Variants in NDUFA5 observed in about 807,000 individuals in gnomAD.
NDUFA5 encodes NADH:ubiquinone oxidoreductase subunit A5, also known as NADH dehydrogenase [ubiquinone] 1 alpha subcomplex subunit 5.
NDUFA5 carries 11 observed loss-of-function variants against 19.8 expected under a neutral mutation model. The observed-to-expected ratio is 0.56, with a 90% confidence interval of 0.35 to 0.92. NDUFA5 has a LOEUF of 0.92. NDUFA5 is among the 40% of genes least tolerant of loss of function. The probability of loss-of-function intolerance (pLI) is 0.01; values close to 1 mark genes in which losing one functional copy is unlikely to be tolerated. For missense variants in NDUFA5, 109 were observed against 134.2 expected (o/e 0.81, Z 0.93); for synonymous variants, 47 against 46.8 (o/e 1.00, Z -0.01).
chr7:123,592,573 G>A, the NDUFA5 span, among the ~76,000 whole-genome samples: 5 of 152,174 alleles, frequency 3.3e-5, no homozygotes, highest in Admixed American at 3.3e-4. Context: ...AGGTTGTTCA[G>A]TTTCCATGCA....
chr7:123,545,891 T>C (rs1798115364), intron 3 of NDUFA5: 1 of 430,966 alleles, frequency 2.3e-6, no homozygotes, highest in Non-Finnish European at 4.1e-6. Context: ...TTTATTGACA[T>C]GCTGATCAAG....
the NDUFA5 span, among the ~76,000 whole-genome samples, chr7:123,579,126 T>C: frequency 6.6e-6 from 1 of 152,042 alleles, no homozygotes; most frequent in African/African-American, 2.4e-5. Context: ...CGTATATCAT[T>C]GTTTAACTCC....
At chr7:123,591,428 C>T in the NDUFA5 span, among the ~76,000 whole-genome samples, 4 of 152,134 alleles carry the variant, frequency 2.6e-5, no homozygotes, top group African/African-American at 9.7e-5. Context: ...AACATATTGG[C>T]TGTGGGTTTG....
the NDUFA5 span, among the ~76,000 whole-genome samples, chr7:123,592,304 T>C: frequency 6.6e-5 from 10 of 152,218 alleles, no homozygotes; most frequent in Non-Finnish European, 1.5e-4. Context: ...GCTCCGATCT[T>C]AGTTATTTCT....
intron 4 of NDUFA5, among the ~76,000 whole-genome samples, chr7:123,544,833 C>A (rs935377335): frequency 2.1e-5 from 3 of 142,214 alleles, no homozygotes; most frequent in African/African-American, 5.2e-5. Context: ...AAACCAACTA[C>A]GGAATACTCA....
chr7:123,577,730 CA>C, the NDUFA5 span, among the ~76,000 whole-genome samples: 1 of 152,022 alleles, frequency 6.6e-6, no homozygotes, highest in Admixed American at 6.6e-5. Context: ...GTTATGCAAA[CA>C]GTTTTAAATC....
chr7:123,594,829 A>T, the NDUFA5 span, among the ~76,000 whole-genome samples: 2 of 152,198 alleles, frequency 1.3e-5, no homozygotes, highest in African/African-American at 4.8e-5. Context: ...GCTGTCAGGC[A>T]GGGACGTTTA....
chr7:123,581,535 T>C, the NDUFA5 span, among the ~76,000 whole-genome samples: 1 of 151,954 alleles, frequency 6.6e-6, no homozygotes, highest in Non-Finnish European at 1.5e-5. Flanking sequence ...TCTTTTTTGA[T>C]GTGTCATGTT....
intron 2 of NDUFA5, among the ~76,000 whole-genome samples, chr7:123,552,289 T>C (rs1584698497): frequency 6.6e-6 from 1 of 151,780 alleles, no homozygotes; most frequent in South Asian, 2.1e-4. Flanking sequence ...ATATACAACA[T>C]GGAATACTAT....
chr7:123,549,226 T>G (rs1279184709), intron 3 of NDUFA5, among the ~76,000 whole-genome samples: 9 of 151,920 alleles, frequency 5.9e-5, no homozygotes. Flanking sequence ...ATTGGCTGTA[T>G]GGTGGAGCAT....
chr7:123,580,152 T>TG, the NDUFA5 span, among the ~76,000 whole-genome samples: 3 of 151,568 alleles, frequency 2.0e-5, no homozygotes, highest in African/African-American at 7.3e-5. Context: ...CTGAAGGAAA[T>TG]GGGGGAGTGG....
At chr7:123,570,555 C>T in the NDUFA5 span, among the ~76,000 whole-genome samples, 1 of 152,150 alleles carries the variant, frequency 6.6e-6, no homozygotes. Context: ...AAGAAACTGG[C>T]TTCTGACGTC....
At chr7:123,552,027 T>C (rs951736286) in intron 2 of NDUFA5, among the ~76,000 whole-genome samples, 1 of 152,202 alleles carries the variant, frequency 6.6e-6, no homozygotes, top group East Asian at 1.9e-4. Flanking sequence ...TGGACACTTA[T>C]AACAGTGAAA....
chr7:123,593,106 T>C, the NDUFA5 span, among the ~76,000 whole-genome samples: 2 of 152,160 alleles, frequency 1.3e-5, no homozygotes, highest in Non-Finnish European at 2.9e-5. Context: ...TGCTTTTTTT[T>C]TACTTTCCAT....
chr7:123,592,144 T>C, the NDUFA5 span, among the ~76,000 whole-genome samples: 2 of 152,196 alleles, frequency 1.3e-5, no homozygotes, highest in Non-Finnish European at 2.9e-5. Flanking sequence ...AGTGGTGATA[T>C]CCCCTTTATC....
At chr7:123,552,937 T>C (rs909065523) in intron 2 of NDUFA5, among the ~76,000 whole-genome samples, 3 of 152,244 alleles carry the variant, frequency 2.0e-5, no homozygotes, top group Non-Finnish European at 4.4e-5. Context: ...CCTCTTTTGC[T>C]GACTTGCCAA....
chr7:123,558,560 C>T (rs984384192), upstream of NDUFA5, among the ~76,000 whole-genome samples: 1 of 151,676 alleles, frequency 6.6e-6, no homozygotes, highest in African/African-American at 2.4e-5. Context: ...TGTGATGGTA[C>T]CAGGGAAAAG....
rs73222281 is a variant in NDUFA5, at chr7:123,552,057, C to T, written c.67-1471G>A. Reference sequence around the variant, plus strand: ...GTGAAAAGATACCTATTAATCATTACGCCAAAACACAGGTATGAACCAGAA... The same window carrying T: ...GTGAAAAGATACCTATTAATCATTATGCCAAAACACAGGTATGAACCAGAA... On this transcript the variant is annotated intron_variant, in intron 2 of 4. Transcript: ENST00000355749. 7.9e-5 allele frequency among the ~76,000 whole-genome samples: 12 copies of T among 152,040 alleles called. 1 individual carries two copies. The highest frequency in any genetic ancestry group is 1.7e-4 in the African/African-American group (7 of 41,476).
intron 3 of NDUFA5, 82 bp from the exon 4 acceptor site, chr7:123,545,758 T>C (rs1265391391): frequency 7.1e-6 from 6 of 850,620 alleles, no homozygotes; most frequent in East Asian, 5.6e-5. Flanking sequence ...AATTCCTATA[T>C]AAAAACACTT....
Sources: gnomAD v4.1 joint callset for allele counts (sites outside exome capture counted in the v4.1 genomes callset) on GRCh38, gnomAD v4.1.1 for gene constraint, MANE v1.5 for transcripts, NCBI Gene and HGNC (gene_info 2026-07-23, HGNC 2026-07-21) for gene names.